Variants in CADM2 observed in about 807,000 individuals in gnomAD.
CADM2 encodes the protein immunoglobulin superfamily member 4D.
Under a neutral mutation model 49.8 loss-of-function variants are expected in CADM2, and 12 were observed. The ratio of observed to expected loss-of-function variants is 0.24; its 90% CI spans 0.15 to 0.39. The LOEUF (loss-of-function observed/expected upper bound fraction) is 0.39, where lower values mean the gene tolerates loss of function less well. Among genes scored for constraint, CADM2 ranks in the 10% least tolerant of loss-of-function variants. The probability of loss-of-function intolerance (pLI) is 1.00; values close to 1 mark genes in which losing one functional copy is unlikely to be tolerated. For synonymous variants in CADM2, 214 were observed against 175.4 expected, an observed-to-expected ratio of 1.22 and a Z score of -1.74; for missense variants, 378 against 492.3, an observed-to-expected ratio of 0.77 and a Z score of 2.20.
At chr3:85,592,894 C>G (rs1320834480) in intron 1 of CADM2, among the ~76,000 whole-genome samples, 1 of 151,792 alleles carries the variant, frequency 6.6e-6, no homozygotes, top group East Asian at 2.0e-4. Flanking sequence ...GTGATGTTCC[C>G]CTTTCTGTGT....
intron 1 of CADM2, among the ~76,000 whole-genome samples, chr3:85,621,530 T>G (rs999163696): frequency 3.3e-5 from 5 of 152,196 alleles, no homozygotes; most frequent in African/African-American, 1.2e-4. Flanking sequence ...AATTTATACT[T>G]GAAATGTAAT....
At chr3:85,407,019 G>T (rs2107457040) in intron 1 of CADM2, among the ~76,000 whole-genome samples, 1 of 152,104 alleles carries the variant, frequency 6.6e-6, no homozygotes, top group South Asian at 2.1e-4. Context: ...AGCATAGGGA[G>T]ACCTTGTTCC....
chr3:85,408,015 A>G (rs1039877475), intron 1 of CADM2, among the ~76,000 whole-genome samples: 22 of 148,706 alleles, frequency 1.5e-4, no homozygotes, highest in African/African-American at 5.1e-4. Context: ...AAAACCAAAA[A>G]AAAAAAAAAA....
Position 84,959,282 on chromosome 3 carries a change from C to T in CADM2, c.-326C>T, listed in dbSNP as rs1461384492. On this transcript the variant is annotated 5_prime_UTR_variant, in exon 1 of 10. Transcript: ENST00000383699. ...CCCTGCACCACCTGCTCGGGCAGCC[C>T]CGGCGGGCTCTGGGACTTGCTGTGC... 2 of 487,630 alleles carry T rather than the reference C, an allele frequency of 4.1e-6. No individual in the cohort carries two copies. Among genetic ancestry groups the T allele is most frequent in the South Asian group, 2.3e-5 (1 of 43,938 alleles). The allele number at this position is 487,630 out of a possible 1,614,324, so 30.2% of individuals were successfully genotyped here. A position where few individuals can be genotyped will look rare whatever the true frequency, so the allele number is the denominator to read the frequency against.
At chr3:85,429,164 G>T (rs2036555419) in intron 1 of CADM2, among the ~76,000 whole-genome samples, 1 of 152,030 alleles carries the variant, frequency 6.6e-6, no homozygotes, top group East Asian at 1.9e-4. Flanking sequence ...TTAGAAGAAT[G>T]GGTCTGTGTT....
intron 1 of CADM2, among the ~76,000 whole-genome samples, chr3:85,062,182 A>G (rs192937079): frequency 7.2e-5 from 11 of 152,146 alleles, no homozygotes; most frequent in Admixed American, 2.0e-4. Flanking sequence ...GACATTTGCT[A>G]TAGTAATAAA....
At chr3:85,058,278 C>G (rs896952903) in intron 1 of CADM2, among the ~76,000 whole-genome samples, 2 of 151,742 alleles carry the variant, frequency 1.3e-5, no homozygotes, top group Non-Finnish European at 2.9e-5. Flanking sequence ...CTTCCTAGTT[C>G]AAGAAAATGT....
intron 1 of CADM2, among the ~76,000 whole-genome samples, chr3:85,311,454 C>A (rs2044341632): frequency 6.6e-6 from 1 of 151,700 alleles, no homozygotes; most frequent in African/African-American, 2.4e-5. Context: ...CGGCTCACTG[C>A]AAGCTCCGCC....
intron 1 of CADM2, among the ~76,000 whole-genome samples, chr3:85,418,905 A>C (rs1033546606): frequency 6.6e-6 from 1 of 152,070 alleles, no homozygotes; most frequent in East Asian, 1.9e-4. Context: ...CTTTTTCTCA[A>C]TATTATGGCT....
chr3:85,265,650 G>C (rs1281355837), intron 1 of CADM2, among the ~76,000 whole-genome samples: 2 of 151,990 alleles, frequency 1.3e-5, no homozygotes, highest in Non-Finnish European at 2.9e-5. Flanking sequence ...TTGCTTTGGG[G>C]ATTAAATTCC....
At chr3:85,329,718 C>T (rs1165499158) in intron 1 of CADM2, among the ~76,000 whole-genome samples, 4 of 151,868 alleles carry the variant, frequency 2.6e-5, no homozygotes, top group South Asian at 2.1e-4. Context: ...AAGTATAATT[C>T]GTTATTTTAA....
At chr3:85,934,741 C>T (rs567407925) in intron 6 of CADM2, among the ~76,000 whole-genome samples, 1 of 151,956 alleles carries the variant, frequency 6.6e-6, no homozygotes, top group African/African-American at 2.4e-5. Flanking sequence ...ATTACACAAT[C>T]GGTAGTAACT....
At chr3:85,199,669 G>A (rs989753297) in intron 1 of CADM2, among the ~76,000 whole-genome samples, 4 of 151,860 alleles carry the variant, frequency 2.6e-5, no homozygotes, top group African/African-American at 9.7e-5. Context: ...AGTGTTTTCT[G>A]AATTAATATA....
chr3:85,002,198 C>T (rs141174194), intron 1 of CADM2, among the ~76,000 whole-genome samples: 1 of 152,080 alleles, frequency 6.6e-6, no homozygotes, highest in African/African-American at 2.4e-5. Context: ...TTGTTTCTGG[C>T]CATGTTCTTT....
At chr3:85,322,167 T>C (rs1014235088) in intron 1 of CADM2, among the ~76,000 whole-genome samples, 16 of 152,188 alleles carry the variant, frequency 1.1e-4, no homozygotes, top group African/African-American at 3.6e-4. Context: ...AAGTGTTCCA[T>C]TGAGTTTATA....
intron 1 of CADM2, among the ~76,000 whole-genome samples, chr3:85,270,942 C>A (rs2043228797): frequency 1.3e-5 from 2 of 151,332 alleles, no homozygotes; most frequent in Admixed American, 1.3e-4. Context: ...TAATCATTGT[C>A]ATGTGTGATG....
At chr3:85,665,317 T>C (rs2065532883) in intron 1 of CADM2, among the ~76,000 whole-genome samples, 2 of 151,926 alleles carry the variant, frequency 1.3e-5, no homozygotes, top group Non-Finnish European at 2.9e-5. Flanking sequence ...TCTCCAACTT[T>C]ATTAAATATA....
chr3:85,977,111 T>G (rs1412623650), intron 8 of CADM2, among the ~76,000 whole-genome samples: 1 of 151,018 alleles, frequency 6.6e-6, no homozygotes, highest in East Asian at 2.0e-4. Context: ...TTGGGGGGAC[T>G]CCAAATACTA....
chr3:85,076,333 GT>G (rs1253710977), intron 1 of CADM2, among the ~76,000 whole-genome samples: 1 of 151,452 alleles, frequency 6.6e-6, no homozygotes, highest in Non-Finnish European at 1.5e-5. Context: ...GTGTGTGTGT[GT>G]GTGTGGTGTG....
Sources: allele counts gnomAD v4.1 joint callset (sites outside exome capture counted in the v4.1 genomes callset), GRCh38; gene constraint gnomAD v4.1.1; transcripts MANE v1.5; gene names NCBI Gene and HGNC (gene_info 2026-07-23, HGNC 2026-07-21).